MIGA1: variants seen among roughly 807,000 people sequenced by gnomAD.
MIGA1 encodes the protein family with sequence similarity 73, member A.
A neutral mutation model predicts 82.0 loss-of-function variants in MIGA1; 58 were observed. That is an observed-to-expected ratio of 0.71 (90% CI 0.57 to 0.88). The LOEUF (loss-of-function observed/expected upper bound fraction) is 0.88. Ranked by LOEUF, MIGA1 falls within the 40% of genes least tolerant of loss-of-function variation. The pLI is 0.00. For missense variants in MIGA1, 751 were observed against 749.1 expected (o/e 1.00, Z -0.03); for synonymous variants, 249 against 253.6 (o/e 0.98, Z 0.17).
chr1:77,857,753 G>T (rs1685318903), intron 8 of MIGA1, among the ~76,000 whole-genome samples: 1 of 138,012 alleles, frequency 7.2e-6, no homozygotes, highest in African/African-American at 2.7e-5. Context: ...TGCTTAGCTG[G>T]CTACTCTACA....
intron 5 of MIGA1, chr1:77,811,211 C>A (rs1683314587): frequency 6.4e-7 from 1 of 1,552,906 alleles, no homozygotes; most frequent in Non-Finnish European, 8.9e-7. Flanking sequence ...TTTACACTAA[C>A]TGTAATATAG....
At chr1:77,812,156 A>C (rs557109972) in intron 5 of MIGA1, among the ~76,000 whole-genome samples, 1 of 152,184 alleles carries the variant, frequency 6.6e-6, no homozygotes, top group Non-Finnish European at 1.5e-5. Flanking sequence ...TCTACAAATA[A>C]ATAAATAAAT....
Position 77,866,349 on chromosome 1 carries a change from A to C in MIGA1, c.1521A>C (p.Ser507=). The C allele has an allele frequency of 1.1e-5, 17 of 1,614,080 alleles. No individual in the cohort carries two copies. Among genetic ancestry groups the C allele is most frequent in the Non-Finnish European group, 1.4e-5 (17 of 1,179,976 alleles). ...CTGCATGTATTTAGGCTGTGGCTTC[A>C]AGTTGTTGGTCGGTGCTGAAACAGA... Residue 507 remains serine, a synonymous_variant, in exon 14 of 16, where the codon TCA becomes TCC. Coordinates refer to ENST00000370791, the MANE Select transcript of MIGA1 (RefSeq NM_198549.4).
rs1426509420 is a variant in MIGA1 at position 77,831,559 on chromosome 1, A to G, written c.896-11748A>G. The stretch of plus-strand genomic sequence containing the variant: ...ACAACAACTGAGAGATACTCTACCA[A>G]TCTCTCATGAGGAAATTCTCATCTT... On this transcript the variant is annotated intron_variant, in intron 7 of 15. Coordinates refer to ENST00000370791, the MANE Select transcript of MIGA1 (RefSeq NM_198549.4). 2.6e-5 allele frequency among the ~76,000 whole-genome samples: 4 copies of G among 152,118 alleles called. No homozygotes were observed. The East Asian group carries it at 5.8e-4, about 22-fold the overall frequency.
intron 8 of MIGA1, among the ~76,000 whole-genome samples, chr1:77,858,476 T>C (rs754674365): frequency 3.3e-5 from 5 of 152,250 alleles, no homozygotes; most frequent in Non-Finnish European, 5.9e-5. Context: ...TCAATTCAGA[T>C]TTTATTAGCT....
At chr1:77,800,330 C>T (rs1682824228) in intron 2 of MIGA1, among the ~76,000 whole-genome samples, 1 of 152,202 alleles carries the variant, frequency 6.6e-6, no homozygotes, top group Non-Finnish European at 1.5e-5. Context: ...TTGCTGACCT[C>T]TTCTTGCTAA....
intron 5 of MIGA1, among the ~76,000 whole-genome samples, chr1:77,812,293 A>AC (rs1430485364): frequency 2.6e-5 from 4 of 152,046 alleles, no homozygotes; most frequent in African/African-American, 9.7e-5. Flanking sequence ...GCATGGTGAA[A>AC]CCCCATCTCT....
At chr1:77,820,989 C>G (rs12090729) in intron 7 of MIGA1, among the ~76,000 whole-genome samples, 88,952 of 151,812 alleles carry the variant, frequency 0.59, 28,114 homozygotes, top group Non-Finnish European at 0.71. Context: ...CAAAAATTAG[C>G]TGGGTGTGGT....
chr1:77,865,174 G>A (rs1456419412), intron 13 of MIGA1, among the ~76,000 whole-genome samples: 1 of 151,124 alleles, frequency 6.6e-6, no homozygotes, highest in Non-Finnish European at 1.5e-5. Flanking sequence ...CACCTCCAAG[G>A]GTCAGATTTC....
chr1:77,807,873 C>T (rs997227117), intron 5 of MIGA1, among the ~76,000 whole-genome samples: 2 of 152,050 alleles, frequency 1.3e-5, no homozygotes, highest in African/African-American at 4.8e-5. Flanking sequence ...GGCTAGAGTG[C>T]AGTGGTGCAA....
chr1:77,782,464 T>TA (rs549992717), intron 1 of MIGA1, among the ~76,000 whole-genome samples: 71 of 152,180 alleles, frequency 4.7e-4, no homozygotes, highest in Non-Finnish European at 1.9e-4. Flanking sequence ...TATAAATAGA[T>TA]AAACTTGTAA....
intron 13 of MIGA1, among the ~76,000 whole-genome samples, chr1:77,865,426 A>T (rs773058342): frequency 6.6e-6 from 1 of 152,110 alleles, no homozygotes; most frequent in African/African-American, 2.4e-5. Flanking sequence ...CCTCGTCTCT[A>T]TAAAAAAAAT....
chr1:77,820,221 A>G (rs1557911019), intron 7 of MIGA1, among the ~76,000 whole-genome samples: 2 of 150,962 alleles, frequency 1.3e-5, no homozygotes, highest in Admixed American at 6.6e-5. Context: ...CACATTTTGT[A>G]GAAAGAAATT....
chr1:77,789,756 T>G (rs1168706727), intron 2 of MIGA1, among the ~76,000 whole-genome samples: 1 of 151,954 alleles, frequency 6.6e-6, no homozygotes, highest in African/African-American at 2.4e-5. Context: ...TAATCCTTGC[T>G]ATCTAGTATA....
intron 5 of MIGA1, chr1:77,811,265 T>C: frequency 6.3e-7 from 1 of 1,585,610 alleles, no homozygotes; most frequent in African/African-American, 1.3e-5. Context: ...ATTTTCGCAA[T>C]TCTGATAGTG....
intron 7 of MIGA1, among the ~76,000 whole-genome samples, chr1:77,825,244 G>C (rs2101837682): frequency 6.6e-6 from 1 of 152,126 alleles, no homozygotes; most frequent in African/African-American, 2.4e-5. Flanking sequence ...GGCCTCAAGT[G>C]ATCTGCCCGC....
At chr1:77,872,862 T>G in intron 14 of MIGA1, 142 bp from the exon 15 acceptor site, 2 of 927,404 alleles carry the variant, frequency 2.2e-6, no homozygotes, top group Non-Finnish European at 3.4e-6. Flanking sequence ...GAGTTTGAGG[T>G]GTTGCTAGAC....
intron 7 of MIGA1, among the ~76,000 whole-genome samples, chr1:77,830,548 C>T (rs1684203874): frequency 6.6e-6 from 1 of 152,056 alleles, no homozygotes; most frequent in African/African-American, 2.4e-5. Flanking sequence ...TTTATTTCAT[C>T]TTTTCACCAC....
At chr1:77,803,473 A>G (rs1682968374) in intron 4 of MIGA1, 67 bp downstream of exon 4, 1 of 660,604 alleles carries the variant, frequency 1.5e-6, no homozygotes, top group East Asian at 3.3e-5. Context: ...CTATTAGTTT[A>G]AGTGTCATAT....
Sources: gnomAD v4.1 joint callset for allele counts (sites outside exome capture counted in the v4.1 genomes callset) on GRCh38, gnomAD v4.1.1 for gene constraint, MANE v1.5 for transcripts, NCBI Gene and HGNC (gene_info 2026-07-23, HGNC 2026-07-21) for gene names.